GIT2: variants seen among roughly 807,000 people sequenced by gnomAD.
GIT2 encodes the protein GIT ArfGAP 2.
GIT2 carries 32 observed loss-of-function variants against 100.3 expected under a neutral mutation model. The observed-to-expected ratio is 0.32, with a 90% confidence interval of 0.24 to 0.43. The LOEUF is 0.43. Ranked by LOEUF, GIT2 falls within the 20% of genes least tolerant of loss-of-function variation. The pLI is 1.00. For missense variants in GIT2, 737 were observed against 975.1 expected (o/e 0.76, Z 3.25); for synonymous variants, 353 against 364.1 (o/e 0.97, Z 0.35).
At chr12:109,968,337 A>G (rs901790368) in intron 7 of GIT2, among the ~76,000 whole-genome samples, 1 of 144,874 alleles carries the variant, frequency 6.9e-6, no homozygotes, top group African/African-American at 2.5e-5. Flanking sequence ...TCTTCATGTG[A>G]TTTTTTTTTT....
chr12:109,996,114 CGGGGTA>C (rs1304853303), intron 1 of GIT2, 53 bp downstream of exon 1: 15 of 1,131,482 alleles, frequency 1.3e-5, no homozygotes, highest in Non-Finnish European at 1.7e-5. Flanking sequence ...GGGGCGGCCC[CGGGGTA>C]GGGGTCCGGG....
intron 6 of GIT2, chr12:109,981,325 C>A: frequency 3.2e-6 from 1 of 308,694 alleles, no homozygotes; most frequent in Non-Finnish European, 6.1e-6. Flanking sequence ...TACAGAATGA[C>A]TTAATTTAAT....
intron 7 of GIT2, among the ~76,000 whole-genome samples, chr12:109,974,407 A>G (rs1884594822): frequency 6.6e-6 from 1 of 151,830 alleles, no homozygotes; most frequent in Non-Finnish European, 1.5e-5. Context: ...CGTGCCTGTA[A>G]TCCCAGTACT....
chr12:109,938,964 A>G (rs1873820033), intron 17 of GIT2: 1 of 556,784 alleles, frequency 1.8e-6, no homozygotes, highest in Non-Finnish European at 3.2e-6. Context: ...ACATGCTGGT[A>G]CAAAGAAAAA....
intron 9 of GIT2, among the ~76,000 whole-genome samples, chr12:109,965,102 G>A (rs1882000584): frequency 6.6e-6 from 1 of 152,184 alleles, no homozygotes; most frequent in Non-Finnish European, 1.5e-5. Context: ...AATATGGCTG[G>A]ATCCAAATGG....
At chr12:109,991,297 G>A (rs1593164167) in intron 2 of GIT2, among the ~76,000 whole-genome samples, 2 of 145,746 alleles carry the variant, frequency 1.4e-5, no homozygotes, top group Middle Eastern at 7.3e-3. Flanking sequence ...ATGACAGAGT[G>A]AGAGTCCGTC....
At position 109,938,363 on chromosome 12, in the gene GIT2, T is replaced by C; in HGVS notation, c.2003+17A>G. ...TAACTCATGCTCTCCCAAAGCAGGG[T>C]CTTCAATCCTGCTTACCTGTCATGT... On this transcript the variant is annotated intron_variant, in intron 18 of 19. Transcript: ENST00000355312. 1 of 1,591,738 alleles carries C rather than the reference T, an allele frequency of 6.3e-7. No homozygotes were observed. Among genetic ancestry groups the C allele is most frequent in the Non-Finnish European group, 8.6e-7 (1 of 1,164,426 alleles).
intron 15 of GIT2, among the ~76,000 whole-genome samples, chr12:109,946,313 G>A (rs1340827969): frequency 2.0e-5 from 3 of 152,002 alleles, no homozygotes; most frequent in African/African-American, 7.3e-5. Flanking sequence ...ATTAAACTAG[G>A]GTTTAATTCA....
At chr12:109,987,706 G>A (rs2136914902) in intron 4 of GIT2, among the ~76,000 whole-genome samples, 1 of 152,186 alleles carries the variant, frequency 6.6e-6, no homozygotes, top group African/African-American at 2.4e-5. Context: ...GAGCCCAAGT[G>A]ATCTGCCAGT....
rs756627289 is a variant in GIT2, at chr12:109,934,912, C to T, written c.2004-827G>A. 6.6e-6 allele frequency among the ~76,000 whole-genome samples: 1 copy of T among 152,082 alleles called. No individual in the cohort carries two copies. The highest frequency in any genetic ancestry group is 1.9e-4 in the East Asian group (1 of 5,186). On this transcript the variant is annotated intron_variant, in intron 18 of 19. Transcript: ENST00000355312. The surrounding 1 kb of genome is among the most constrained non-coding windows in gnomAD (Gnocchi z 4.5). ...ACGACATGGTGAAATCCCGTCTCTACTAAAAATACAAAAAAATTAGCTGGG... is the reference window on the plus strand; with the variant it reads ...ACGACATGGTGAAATCCCGTCTCTATTAAAAATACAAAAAAATTAGCTGGG...
intron 12 of GIT2, among the ~76,000 whole-genome samples, chr12:109,956,413 C>T (rs964000352): frequency 6.6e-6 from 1 of 152,180 alleles, no homozygotes; most frequent in Non-Finnish European, 1.5e-5. Flanking sequence ...ACCACAGACA[C>T]TTGTTTATAG....
chr12:109,938,670 C>T (rs1873723538), intron 17 of GIT2, 102 bp from the exon 18 acceptor site: 1 of 784,042 alleles, frequency 1.3e-6, no homozygotes, highest in Non-Finnish European at 2.0e-6. Flanking sequence ...CATGAGCAGG[C>T]TGGTCTCGTC....
At chr12:109,999,655 CG>C, upstream of GIT2, 1 of 1,492,404 alleles carries the variant, frequency 6.7e-7, no homozygotes, top group Non-Finnish European at 9.0e-7. This position sits in a 1 kb window ranked among gnomAD's most constrained non-coding sequence, Gnocchi z 4.3. Flanking sequence ...AGACTTGGGG[CG>C]GGCGACGAGG....
At chr12:109,999,926 T>C, upstream of GIT2, 1 of 628,260 alleles carries the variant, frequency 1.6e-6, no homozygotes, top group Non-Finnish European at 2.5e-6. The surrounding 1 kb of genome is among the most constrained non-coding windows in gnomAD (Gnocchi z 4.3). Flanking sequence ...ACAGTCCTAA[T>C]AATAGGACAC....
chr12:109,977,086 CT>C (rs548585536), intron 7 of GIT2, among the ~76,000 whole-genome samples: 12 of 151,998 alleles, frequency 7.9e-5, no homozygotes, highest in Admixed American at 2.0e-4. Flanking sequence ...AAGAATAATT[CT>C]TTTTTTTCCT....
chr12:109,994,023 C>T (rs1428954993), intron 1 of GIT2, among the ~76,000 whole-genome samples: 3 of 114,456 alleles, frequency 2.6e-5, no homozygotes, highest in Non-Finnish European at 5.0e-5. Flanking sequence ...AGGAGCTCTA[C>T]AAAGATGCAT....
At chr12:109,937,297 T>G (rs907720574) in intron 18 of GIT2, among the ~76,000 whole-genome samples, 8 of 152,150 alleles carry the variant, frequency 5.3e-5, no homozygotes, top group African/African-American at 1.9e-4. Context: ...AAGGCCCAGA[T>G]GCATGTTTGT....
chr12:109,959,609 G>C (rs1200705057), intron 12 of GIT2, among the ~76,000 whole-genome samples: 1 of 152,122 alleles, frequency 6.6e-6, no homozygotes, highest in Non-Finnish European at 1.5e-5. Flanking sequence ...GCTGAGGGGA[G>C]GGAACCTAGA....
chr12:109,985,865 AAC>A (rs113961818), intron 4 of GIT2, among the ~76,000 whole-genome samples: 40,262 of 149,100 alleles, frequency 0.27, 7,822 homozygotes, highest in African/African-American at 0.56. Context: ...ACAAAAACAA[AAC>A]ACACACACAC....
Sources: allele counts gnomAD v4.1 joint callset (sites outside exome capture counted in the v4.1 genomes callset), GRCh38; gene constraint gnomAD v4.1.1; non-coding constraint Gnocchi (gnomAD v3.1); transcripts MANE v1.5; gene names NCBI Gene and HGNC (gene_info 2026-07-23, HGNC 2026-07-21).